ARHGEF7: variants seen among roughly 807,000 people sequenced by gnomAD.
The protein encoded by ARHGEF7 is Rho guanine nucleotide exchange factor 7, also known as PAK-interacting exchange factor beta.
ARHGEF7 carries 33 observed loss-of-function variants against 109.8 expected under a neutral mutation model. That is an observed-to-expected ratio of 0.30 (90% CI 0.23 to 0.40). The LOEUF (loss-of-function observed/expected upper bound fraction) is 0.40, where lower values mean the gene tolerates loss of function less well. Among genes scored for constraint, ARHGEF7 ranks in the 10% least tolerant of loss-of-function variants. ARHGEF7 has a pLI of 1.00. For synonymous variants in ARHGEF7, 458 were observed against 424.6 expected (o/e 1.08, Z -0.97); for missense variants, 938 against 1,098.5 (o/e 0.85, Z 2.07).
chr13:111,160,799 C>T (rs975715484), intron 2 of ARHGEF7, among the ~76,000 whole-genome samples: 1 of 152,170 alleles, frequency 6.6e-6, no homozygotes, highest in Non-Finnish European at 1.5e-5. Flanking sequence ...TCCCCCTTTG[C>T]TCCTCACCCT....
intron 15 of ARHGEF7, among the ~76,000 whole-genome samples, chr13:111,282,196 C>CT: frequency 3.5e-5 from 1 of 28,674 alleles, no homozygotes; most frequent in Admixed American, 3.5e-4. Context: ...CATTAGCTGC[C>CT]GTCCCTCTCA....
chr13:111,244,194 T>C lies in ARHGEF7; in HGVS notation c.855-5T>C. The C allele has an allele frequency of 6.3e-7, 1 of 1,580,156 alleles. No homozygotes were observed. The highest frequency in any genetic ancestry group is 8.6e-7 in the Non-Finnish European group (1 of 1,159,906). On this transcript the variant is annotated splice_polypyrimidine_tract_variant and splice_region_variant and intron_variant, in intron 7 of 21. Transcript: ENST00000646102. ...TATGTTTACTGTTATTTTTCTTGGC[T>C]CTAGGTTAAGTTCAGCAAACATTTC...
At chr13:111,130,353 C>T (rs559527570) in intron 1 of ARHGEF7, among the ~76,000 whole-genome samples, 1 of 152,216 alleles carries the variant, frequency 6.6e-6, no homozygotes, top group South Asian at 2.1e-4. Flanking sequence ...TCAGTGATAC[C>T]TCAATACGGC....
At chr13:111,194,433 C>T (rs1334111257) in intron 2 of ARHGEF7, among the ~76,000 whole-genome samples, 1 of 152,116 alleles carries the variant, frequency 6.6e-6, no homozygotes, top group African/African-American at 2.4e-5. Context: ...CCCAGTGATT[C>T]CAAGGAACCC....
At chr13:111,152,911 G>A (rs1407353985) in intron 1 of ARHGEF7, among the ~76,000 whole-genome samples, 1 of 152,224 alleles carries the variant, frequency 6.6e-6, no homozygotes, top group Non-Finnish European at 1.5e-5. Context: ...CCTTACATGT[G>A]TTGCTGGTGG....
intron 1 of ARHGEF7, among the ~76,000 whole-genome samples, chr13:111,137,866 T>C (rs1429700382): frequency 6.6e-6 from 1 of 152,102 alleles, no homozygotes; most frequent in Non-Finnish European, 1.5e-5. Context: ...AATAAGATAT[T>C]GAGTCACAAA....
intron 1 of ARHGEF7, among the ~76,000 whole-genome samples, chr13:111,117,727 C>CTCCT (rs10559879): frequency 3.3e-5 from 5 of 151,762 alleles, no homozygotes; most frequent in Admixed American, 6.6e-5. Context: ...CTCTTTCTTT[C>CTCCT]TCCTTCCTTC....
intron 2 of ARHGEF7, among the ~76,000 whole-genome samples, chr13:111,162,718 C>T (rs890332130): frequency 2.0e-5 from 3 of 152,192 alleles, no homozygotes. Flanking sequence ...TATTATACTG[C>T]TCTGCCTAAT....
intron 2 of ARHGEF7, among the ~76,000 whole-genome samples, chr13:111,159,911 A>G (rs2076619511): frequency 6.6e-6 from 1 of 152,162 alleles, no homozygotes; most frequent in Non-Finnish European, 1.5e-5. Flanking sequence ...TTGGGGTCAT[A>G]TCCAAGAACT....
intron 19 of ARHGEF7, chr13:111,293,398 A>C (rs2093347578): frequency 1.0e-6 from 1 of 984,330 alleles, no homozygotes; most frequent in African/African-American, 1.8e-5. Context: ...ATTGAAGTTC[A>C]TTGAAGAATT....
At chr13:111,134,061 C>T (rs1188321582) in intron 1 of ARHGEF7, among the ~76,000 whole-genome samples, 3 of 150,292 alleles carry the variant, frequency 2.0e-5, no homozygotes, top group East Asian at 2.0e-4. Flanking sequence ...TTTGTCCTTG[C>T]GATAGTTTGC....
chr13:111,186,421 C>T (rs1031355746), intron 2 of ARHGEF7, among the ~76,000 whole-genome samples: 1 of 151,984 alleles, frequency 6.6e-6, no homozygotes, highest in African/African-American at 2.4e-5. Flanking sequence ...GTGAAAGTGC[C>T]GTAATTGATA....
chr13:111,205,516 T>C, intron 3 of ARHGEF7, 143 bp downstream of exon 3: 1 of 571,970 alleles, frequency 1.7e-6, no homozygotes, highest in Non-Finnish European at 3.1e-6. Context: ...ATTGTTCCTT[T>C]TGCTGTGATA....
intron 2 of ARHGEF7, among the ~76,000 whole-genome samples, chr13:111,170,027 G>A (rs2077456231): frequency 6.6e-6 from 1 of 150,424 alleles, no homozygotes; most frequent in African/African-American, 2.5e-5. Flanking sequence ...GAGATTGGGT[G>A]ATCAGAGAAG....
chr13:111,283,204 C>T lies in ARHGEF7; in HGVS notation c.1791C>T (p.Pro597=), dbSNP rs756649781. The T allele has an allele frequency of 7.5e-5, 120 of 1,597,544 alleles. No homozygotes were observed. Among genetic ancestry groups the T allele is most frequent in the Admixed American group, 1.9e-4 (11 of 57,878 alleles). The part of the protein sequence containing the change: ...HADSKPAPLT[P]AYHTLPHPSH... ...ACAGCAAGCCCGCGCCGCTGACGCC[C>T]GCCTACCACACGCTGCCCCACCCCT... Residue 597 remains proline (P), a synonymous_variant, in exon 16 of 22, where the codon CCC becomes CCT. Transcript: ENST00000646102.
At chr13:111,166,214 C>T (rs567438045) in intron 2 of ARHGEF7, among the ~76,000 whole-genome samples, 2 of 152,304 alleles carry the variant, frequency 1.3e-5, no homozygotes, top group East Asian at 3.9e-4. Context: ...GGTCATTTTC[C>T]TCCTGACTCT....
chr13:111,292,300 A>G lies in ARHGEF7; in HGVS notation c.2311+6A>G, dbSNP rs2093314090. 6.2e-7 allele frequency: 1 copy of G among 1,614,204 alleles called. No homozygotes were observed. ...CAGAATGGGTTCTACATCTCGTAAG[A>G]GCTGTTGCTCATATATCTCTCACCA... On this transcript the variant is annotated splice_donor_region_variant and intron_variant, in intron 19 of 21. Transcript: ENST00000646102.
chr13:111,146,344 T>C (rs1013595928), intron 1 of ARHGEF7, among the ~76,000 whole-genome samples: 7 of 152,234 alleles, frequency 4.6e-5, no homozygotes, highest in African/African-American at 1.7e-4. Context: ...CCCCACCTTC[T>C]GAATCTGTGT....
In ARHGEF7 at chr13:111,292,137, G is replaced by C; in HGVS notation, c.2154G>C (p.Leu718=). 6.2e-7 allele frequency: 1 copy of C among 1,612,966 alleles called. No homozygotes were observed. Among genetic ancestry groups the C allele is most frequent in the African/African-American group, 1.3e-5 (1 of 74,982 alleles). ...TCTTAGCATGGCAAGGCACTGACCT[G>C]ATGCATAATCACGTCTTGGCTGATG... ...TLNSTWQGTD[L]MHNHVLADDD... Residue 718 remains leucine, a synonymous_variant, in exon 19 of 22, where the codon CTG becomes CTC. Coordinates refer to ENST00000646102, the MANE Select transcript of ARHGEF7 (RefSeq NM_001354046.2).
Sources: gnomAD v4.1 joint callset for allele counts (sites outside exome capture counted in the v4.1 genomes callset) on GRCh38, gnomAD v4.1.1 for gene constraint, MANE v1.5 for transcripts, NCBI Gene and HGNC (gene_info 2026-07-23, HGNC 2026-07-21) for gene names.